Variants in HTT observed in about 807,000 individuals in gnomAD.
The protein encoded by HTT is huntington disease protein.
Under a neutral mutation model 362.3 loss-of-function variants are expected in HTT, and 104 were observed. The ratio of observed to expected loss-of-function variants is 0.29; its 90% CI spans 0.24 to 0.34. HTT has a LOEUF of 0.34. Ranked by LOEUF, HTT falls within the 10% of genes least tolerant of loss-of-function variation. HTT has a pLI of 1.00. For missense variants in HTT, 3,301 were observed against 3,928.6 expected (o/e 0.84, Z 4.27); for synonymous variants, 1,577 against 1,548.7 (o/e 1.02, Z -0.43).
At chr4:3,178,484 G>A (rs543194605) in intron 35 of HTT, 38 bp downstream of exon 35, 9 of 1,600,882 alleles carry the variant, frequency 5.6e-6, no homozygotes, top group South Asian at 5.6e-5. Context: ...CTTCGGTGTC[G>A]TGATGTGCTT....
In HTT at chr4:3,137,571, C is replaced by T. The variant is rs546106324; in HGVS notation, c.2798+1245C>T. Among the ~76,000 whole-genome samples the T allele has an allele frequency of 5.9e-5, 9 of 152,236 alleles. No homozygotes were observed. In the East Asian group the frequency reaches 9.7e-4, roughly 16 times the overall value. ...AAAATTAGTCGGATGTGGTGGCACA[C>T]GCCTGTAATCCCAGCTACTCGGGAG... On this transcript the variant is annotated intron_variant, in intron 21 of 66. Coordinates refer to ENST00000355072, the MANE Select transcript of HTT (RefSeq NM_001388492.1).
At chr4:3,133,533 A>G (rs1439901468) in intron 18 of HTT, among the ~76,000 whole-genome samples, 3 of 151,690 alleles carry the variant, frequency 2.0e-5, no homozygotes, top group African/African-American at 7.3e-5. Context: ...TTAAAAAAAA[A>G]AAAAAAAAAA....
At chr4:3,173,267 G>GAT in intron 31 of HTT, 136 bp downstream of exon 31, 1 of 689,058 alleles carries the variant, frequency 1.5e-6, no homozygotes. Flanking sequence ...AACTCTAGGA[G>GAT]ATATATATGG....
intron 26 of HTT, 149 bp from the exon 27 acceptor site, chr4:3,154,144 G>A (rs1717031936): frequency 3.2e-6 from 2 of 617,338 alleles, no homozygotes; most frequent in Non-Finnish European, 5.6e-6. Context: ...TGTCTGAACT[G>A]TACATATCAG....
chr4:3,175,274 A>G (rs1439235961), intron 33 of HTT, among the ~76,000 whole-genome samples, 167 bp downstream of exon 33: 1 of 152,212 alleles, frequency 6.6e-6, no homozygotes, highest in African/African-American at 2.4e-5. Flanking sequence ...GGCCTGGGGC[A>G]TAGCCAGCCT....
chr4:3,110,919 C>G (rs535923063), intron 6 of HTT, among the ~76,000 whole-genome samples: 7 of 152,120 alleles, frequency 4.6e-5, no homozygotes, highest in Non-Finnish European at 4.4e-5. Context: ...GATGTTGGTC[C>G]TCCTAGATTG....
chr4:3,226,066 G>T (rs945301871), intron 57 of HTT, among the ~76,000 whole-genome samples: 4 of 152,190 alleles, frequency 2.6e-5, no homozygotes, highest in Non-Finnish European at 2.9e-5. Flanking sequence ...ACACAAAAAG[G>T]GGGGTGAGGA....
intron 62 of HTT, 47 bp downstream of exon 62, chr4:3,235,445 C>A (rs1316276082): frequency 1.3e-6 from 2 of 1,507,038 alleles, no homozygotes. Context: ...GAGTGGGCTT[C>A]CCTTCTCTTT....
In HTT at chr4:3,074,929, A is replaced by ACCGCCGCC. The variant is rs1560535078; in HGVS notation, c.104_105insCCGCCGCC (p.Gln35HisfsTer69). ...CAGCAGCAGCAGCAGCAGCAGCAGC[A>ACCGCCGCC]GCAGCAACAGCCGCCACCGCCGCCG... On this transcript the variant is annotated frameshift_variant, in exon 1 of 67. Coordinates refer to ENST00000355072, the MANE Select transcript of HTT (RefSeq NM_001388492.1). LOFTEE classifies it high-confidence loss of function. 2 of 1,417,318 alleles carry ACCGCCGCC rather than the reference A, an allele frequency of 1.4e-6. No homozygotes were observed. Among genetic ancestry groups the ACCGCCGCC allele is most frequent in the African/African-American group, 3.3e-5 (2 of 60,864 alleles). The allele number at this position is 1,417,318 out of a possible 1,614,324, so 87.8% of individuals were successfully genotyped here.
chr4:3,152,718 T>A (rs1479259325), intron 26 of HTT, among the ~76,000 whole-genome samples: 5 of 151,594 alleles, frequency 3.3e-5, no homozygotes, highest in African/African-American at 4.8e-5. Context: ...TTTTTTAAAT[T>A]GTGACGGAAC....
At chr4:3,215,491 C>G (rs1476105042) in intron 51 of HTT, among the ~76,000 whole-genome samples, 1 of 152,278 alleles carries the variant, frequency 6.6e-6, no homozygotes, top group East Asian at 1.9e-4. Context: ...CCCGCACTTC[C>G]CACACTCTGC....
At chr4:3,201,486 C>T (rs1719526658) in intron 41 of HTT, among the ~76,000 whole-genome samples, 2 of 145,010 alleles carry the variant, frequency 1.4e-5, no homozygotes, top group Non-Finnish European at 3.0e-5. Flanking sequence ...GCTGAGATCG[C>T]GCCACTGCAC....
At chr4:3,124,544 G>T (rs1241239271) in intron 10 of HTT, among the ~76,000 whole-genome samples, 1 of 152,198 alleles carries the variant, frequency 6.6e-6, no homozygotes. Flanking sequence ...CCTAGCTCTT[G>T]TGCCTTTGAG....
rs1043339864 is a variant in HTT, at chr4:3,230,738, C to A, written c.8265+696C>A. ...ATGGCATCTTCTGGCTGGGTCCTCACGGTGGAAGGAGTGAACAAGCTCCCT... is the reference window on the plus strand; with the variant it reads ...ATGGCATCTTCTGGCTGGGTCCTCAAGGTGGAAGGAGTGAACAAGCTCCCT... On this transcript the variant is annotated intron_variant, in intron 60 of 66. Coordinates refer to ENST00000355072, the MANE Select transcript of HTT (RefSeq NM_001388492.1). Among the ~76,000 whole-genome samples the A allele has an allele frequency of 7.2e-5, 11 of 152,252 alleles. 1 individual carries two copies. Among genetic ancestry groups the A allele is most frequent in the Middle Eastern group, 3.4e-3 (1 of 294 alleles).
At chr4:3,153,025 A>G (rs948434527) in intron 26 of HTT, among the ~76,000 whole-genome samples, 10 of 152,134 alleles carry the variant, frequency 6.6e-5, no homozygotes, top group Admixed American at 6.5e-4. Flanking sequence ...CATTCATCCT[A>G]TTATGGTTTA....
rs574475379 is a variant in HTT at position 3,236,394 on chromosome 4, G to A, written c.8891+140G>A. 5 of 692,444 alleles carry A rather than the reference G, an allele frequency of 7.2e-6. No individual in the cohort carries two copies. In the East Asian group the frequency reaches 1.3e-4, roughly 18 times the overall value. The allele number at this position is 692,444 out of a possible 1,614,324, so 42.9% of individuals were successfully genotyped here. A position where few individuals can be genotyped will look rare whatever the true frequency, so the allele number is the denominator to read the frequency against. ...GATTCCCCACCACAGCCTGACCATG[G>A]GCTGCCTTGGCTCAGGGTTCCACTG... is the stretch of plus-strand genomic sequence containing the variant. On this transcript the variant is annotated intron_variant, in intron 64 of 66. Coordinates refer to ENST00000355072, the MANE Select transcript of HTT (RefSeq NM_001388492.1).
At chr4:3,231,895 C>T (rs1721271782) in intron 60 of HTT, among the ~76,000 whole-genome samples, 2 of 152,210 alleles carry the variant, frequency 1.3e-5, no homozygotes, top group South Asian at 4.1e-4. Context: ...TTTTGAAAAG[C>T]AGATCCTAAG....
Position 3,230,045 on chromosome 4 carries a change from A to G in HTT, c.8265+3A>G. 6.2e-7 allele frequency: 1 copy of G among 1,613,414 alleles called. No homozygotes were observed. The highest frequency in any genetic ancestry group is 8.5e-7 in the Non-Finnish European group (1 of 1,179,388). ...AGGCAGCTGCCGTCCTTGGGATGGT[A>G]AGTGACAGGTGGCACAGAGGTTTCT... On this transcript the variant is annotated splice_donor_region_variant and intron_variant, in intron 60 of 66. Coordinates refer to ENST00000355072, the MANE Select transcript of HTT (RefSeq NM_001388492.1).
intron 6 of HTT, among the ~76,000 whole-genome samples, chr4:3,109,630 T>C (rs971984897): frequency 1.3e-5 from 2 of 152,228 alleles, no homozygotes; most frequent in Non-Finnish European, 2.9e-5. Flanking sequence ...GTGTACGTTA[T>C]TATGCCTAAG....
Sources: gnomAD v4.1 joint callset for allele counts (sites outside exome capture counted in the v4.1 genomes callset) on GRCh38, gnomAD v4.1.1 for gene constraint, MANE v1.5 for transcripts, NCBI Gene and HGNC (gene_info 2026-07-23, HGNC 2026-07-21) for gene names.